KCNMB2: variants seen among roughly 807,000 people sequenced by gnomAD.
KCNMB2 encodes the protein calcium-activated potassium channel subunit beta-2.
Under a neutral mutation model 24.5 loss-of-function variants are expected in KCNMB2, and 9 were observed. The observed-to-expected ratio is 0.37, with a 90% CI of 0.22 to 0.64. The LOEUF (loss-of-function observed/expected upper bound fraction) is 0.64. Among genes scored for constraint, KCNMB2 ranks in the 30% least tolerant of loss-of-function variants. The pLI is 0.63. For synonymous variants in KCNMB2, 109 were observed against 104.4 expected, an observed-to-expected ratio of 1.04 and a Z score of -0.27; for missense variants, 226 against 284.3, an observed-to-expected ratio of 0.79 and a Z score of 1.47.
chr3:178,826,180 C>A (rs999857595), intron 3 of KCNMB2, among the ~76,000 whole-genome samples: 5 of 152,194 alleles, frequency 3.3e-5, no homozygotes, highest in African/African-American at 9.6e-5. Flanking sequence ...ACCCTCCTCC[C>A]TTTTCCACCC....
At chr3:178,762,236 T>C (rs1325910965) in intron 1 of KCNMB2, among the ~76,000 whole-genome samples, 1 of 151,990 alleles carries the variant, frequency 6.6e-6, no homozygotes, top group Non-Finnish European at 1.5e-5. Flanking sequence ...GTGGAGCTCT[T>C]AGAAAGTGTG....
At chr3:178,701,291 G>T (rs902064132) in intron 1 of KCNMB2, among the ~76,000 whole-genome samples, 2 of 152,036 alleles carry the variant, frequency 1.3e-5, no homozygotes, top group Non-Finnish European at 2.9e-5. Context: ...ATTTCTGAGG[G>T]CTCTGTTCTG....
rs1327077688 is a variant in KCNMB2, at chr3:178,661,629, C to G, written c.-68+124918C>G. On this transcript the variant is annotated intron_variant, in intron 1 of 4. Coordinates refer to ENST00000452583, the MANE Select transcript of KCNMB2 (RefSeq NM_181361.3). Reference sequence around the variant, plus strand: ...TTGGCTGAATTTGACCCATGGGCTACAGTTTACCAACCCCTGATCATTATG... The same window carrying G: ...TTGGCTGAATTTGACCCATGGGCTAGAGTTTACCAACCCCTGATCATTATG... Among the ~76,000 whole-genome samples, 3 of 152,116 alleles carry G rather than the reference C, an allele frequency of 2.0e-5. No homozygotes were observed. In the East Asian group the frequency reaches 5.8e-4, roughly 29 times the overall value.
At chr3:178,539,739 G>A (rs1276759494) in intron 1 of KCNMB2, among the ~76,000 whole-genome samples, 1 of 151,936 alleles carries the variant, frequency 6.6e-6, no homozygotes, top group Non-Finnish European at 1.5e-5. Context: ...GTGTGTGTGT[G>A]CGTGTGTGTG....
intron 1 of KCNMB2, among the ~76,000 whole-genome samples, chr3:178,630,063 C>A (rs995675748): frequency 2.6e-4 from 40 of 152,196 alleles, no homozygotes; most frequent in Admixed American, 2.2e-3. Context: ...ACTCACCCTG[C>A]CCCAGTGTCC....
chr3:178,756,901 A>C (rs1289604531), intron 1 of KCNMB2, among the ~76,000 whole-genome samples: 1 of 152,038 alleles, frequency 6.6e-6, no homozygotes, highest in Non-Finnish European at 1.5e-5. Context: ...TCCTGAGCTT[A>C]AAAACACTGG....
chr3:178,721,674 T>C (rs1722812039), intron 1 of KCNMB2, among the ~76,000 whole-genome samples: 3 of 152,208 alleles, frequency 2.0e-5, no homozygotes, highest in Non-Finnish European at 4.4e-5. Context: ...GGGTGTACCA[T>C]TTTGAATTCC....
intron 1 of KCNMB2, among the ~76,000 whole-genome samples, chr3:178,761,920 G>A (rs993919394): frequency 2.6e-5 from 4 of 152,170 alleles, no homozygotes; most frequent in East Asian, 1.9e-4. Context: ...GCCTGTAACC[G>A]CAGCACTTTG....
intron 1 of KCNMB2, among the ~76,000 whole-genome samples, chr3:178,606,784 T>C (rs1287954667): frequency 6.6e-6 from 1 of 152,166 alleles, no homozygotes; most frequent in East Asian, 1.9e-4. Context: ...GGTAAGGGGC[T>C]TTGGTAGGAG....
chr3:178,538,813 C>T (rs1560102371), intron 1 of KCNMB2, among the ~76,000 whole-genome samples: 2 of 152,030 alleles, frequency 1.3e-5, no homozygotes, highest in African/African-American at 4.8e-5. Flanking sequence ...GAAAGCCAAA[C>T]CAAGTAATTT....
At chr3:178,597,682 G>A (rs1043077686) in intron 1 of KCNMB2, among the ~76,000 whole-genome samples, 5 of 152,116 alleles carry the variant, frequency 3.3e-5, no homozygotes, top group African/African-American at 1.2e-4. Flanking sequence ...AATACTGGAG[G>A]TGCTCAAGTA....
At chr3:178,611,831 G>A (rs1226589190) in intron 1 of KCNMB2, among the ~76,000 whole-genome samples, 2 of 151,942 alleles carry the variant, frequency 1.3e-5, no homozygotes, top group Non-Finnish European at 2.9e-5. Context: ...AGTTCTTTAA[G>A]ATGCATTGTT....
chr3:178,598,601 C>A (rs911263813), intron 1 of KCNMB2, among the ~76,000 whole-genome samples: 5 of 151,882 alleles, frequency 3.3e-5, no homozygotes, highest in African/African-American at 1.2e-4. Context: ...AAAGAAGGAA[C>A]CAGCATGGAA....
intron 1 of KCNMB2, among the ~76,000 whole-genome samples, chr3:178,611,315 C>T (rs1255277086): frequency 6.6e-6 from 1 of 152,078 alleles, no homozygotes; most frequent in African/African-American, 2.4e-5. Flanking sequence ...AGTTGTAATA[C>T]CTTCTTTTGT....
At chr3:178,831,836 C>T (rs149373199) in intron 4 of KCNMB2, among the ~76,000 whole-genome samples, 10 of 151,206 alleles carry the variant, frequency 6.6e-5, no homozygotes, top group Admixed American at 5.2e-4. Flanking sequence ...CTGTACACCA[C>T]GCCCCTGTGA....
At chr3:178,791,185 A>T (rs546590427) in intron 1 of KCNMB2, among the ~76,000 whole-genome samples, 137 of 152,374 alleles carry the variant, frequency 9.0e-4, no homozygotes, top group Admixed American at 1.5e-3. Flanking sequence ...TCAGACAGAA[A>T]ATTCAGCATA....
chr3:178,608,518 T>C (rs544866971), intron 1 of KCNMB2, among the ~76,000 whole-genome samples: 1 of 152,340 alleles, frequency 6.6e-6, no homozygotes, highest in South Asian at 2.1e-4. Context: ...AAAGTATTTA[T>C]CCATTGAGTT....
intron 1 of KCNMB2, among the ~76,000 whole-genome samples, chr3:178,647,778 G>A (rs1469502370): frequency 3.3e-5 from 5 of 152,088 alleles, no homozygotes; most frequent in Admixed American, 2.6e-4. Context: ...CTGGGATATA[G>A]AAAAGAGCAA....
At chr3:178,724,225 T>G (rs1722896553) in intron 1 of KCNMB2, among the ~76,000 whole-genome samples, 1 of 152,008 alleles carries the variant, frequency 6.6e-6, no homozygotes, top group Admixed American at 6.6e-5. Context: ...GGTATCTCAT[T>G]GTGATTTTGA....
Sources: allele counts gnomAD v4.1 joint callset (sites outside exome capture counted in the v4.1 genomes callset), GRCh38; gene constraint gnomAD v4.1.1; transcripts MANE v1.5; gene names NCBI Gene and HGNC (gene_info 2026-07-23, HGNC 2026-07-21).